Variants in TENM4 observed in about 807,000 individuals in gnomAD.
The protein encoded by TENM4 is teneurin-4.
A neutral mutation model predicts 243.3 loss-of-function variants in TENM4; 82 were observed. The ratio of observed to expected loss-of-function variants is 0.34; its 90% CI spans 0.28 to 0.40. The LOEUF is 0.40. Ranked by LOEUF, TENM4 falls within the 10% of genes least tolerant of loss-of-function variation. TENM4 has a pLI of 1.00. For synonymous variants in TENM4, 1,412 were observed against 1,456.3 expected (o/e 0.97, Z 0.69); for missense variants, 3,138 against 3,673.3 (o/e 0.85, Z 3.77).
chr11:79,437,733 G>A (rs886731689), intron 1 of TENM4, among the ~76,000 whole-genome samples: 2 of 152,280 alleles, frequency 1.3e-5, no homozygotes, highest in African/African-American at 4.8e-5. Flanking sequence ...ACAGGTTGCC[G>A]CGGAGTCCCG....
chr11:78,725,321 G>T (rs567781445), intron 23 of TENM4, among the ~76,000 whole-genome samples: 86 of 152,236 alleles, frequency 5.6e-4, no homozygotes, highest in African/African-American at 2.0e-3. Context: ...GTTTTGATGG[G>T]CACTCACTGC....
intron 3 of TENM4, among the ~76,000 whole-genome samples, chr11:79,172,730 T>C (rs1453133088): frequency 2.0e-5 from 3 of 151,128 alleles, no homozygotes; most frequent in African/African-American, 7.3e-5. Flanking sequence ...TGTGGTGTGA[T>C]CTTGGCTCAC....
At position 79,312,353 on chromosome 11, in the gene TENM4, T is replaced by C. The variant is rs1316090229; in HGVS notation, c.-320-14810A>G. ...TATTTGCCTGATTCATAAAAATAAT[T>C]GCAGGAAAAAACAGGTATATAATGC... On this transcript the variant is annotated intron_variant, in intron 1 of 33. Transcript: ENST00000278550. Among the ~76,000 whole-genome samples the C allele has an allele frequency of 2.6e-5, 4 of 152,344 alleles. No homozygotes were observed. In the East Asian group the frequency reaches 7.7e-4, roughly 29 times the overall value.
intron 1 of TENM4, among the ~76,000 whole-genome samples, chr11:79,424,763 T>A (rs938265980): frequency 6.6e-6 from 1 of 152,024 alleles, no homozygotes; most frequent in African/African-American, 2.4e-5. Flanking sequence ...TGAAATCCCA[T>A]CTCTACTAAA....
intron 1 of TENM4, among the ~76,000 whole-genome samples, chr11:79,356,768 A>C (rs11237800): frequency 0.049 from 7,457 of 152,214 alleles, 648 homozygotes; most frequent in African/African-American, 0.17. Flanking sequence ...TAAAAAAAAA[A>C]ATCTGCAGAA....
At chr11:79,042,945 A>G (rs1408009565) in intron 6 of TENM4, among the ~76,000 whole-genome samples, 1 of 148,010 alleles carries the variant, frequency 6.8e-6, no homozygotes. Context: ...ATAAGGTTCC[A>G]ACACCTACAT....
At chr11:78,975,079 A>G (rs1467419190) in intron 6 of TENM4, among the ~76,000 whole-genome samples, 1 of 149,282 alleles carries the variant, frequency 6.7e-6, no homozygotes, top group Non-Finnish European at 1.5e-5. Flanking sequence ...AACTAAGTCT[A>G]CTCCTTGCCC....
chr11:79,017,275 G>A (rs956822793), intron 6 of TENM4, among the ~76,000 whole-genome samples: 1 of 152,184 alleles, frequency 6.6e-6, no homozygotes, highest in African/African-American at 2.4e-5. Context: ...GATAAAAGAG[G>A]CGGAGGCTGG....
At chr11:79,157,742 C>T (rs987016146) in intron 3 of TENM4, among the ~76,000 whole-genome samples, 1 of 152,226 alleles carries the variant, frequency 6.6e-6, no homozygotes, top group African/African-American at 2.4e-5. Context: ...CCTGAGGGTT[C>T]CATACCTCCT....
intron 2 of TENM4, among the ~76,000 whole-genome samples, chr11:79,262,151 C>T (rs575087466): frequency 6.6e-6 from 1 of 152,300 alleles, no homozygotes; most frequent in East Asian, 1.9e-4. Context: ...CACGATGGGT[C>T]CCAGCTCTGC....
At chr11:78,908,327 G>T (rs1359214705) in intron 6 of TENM4, among the ~76,000 whole-genome samples, 1 of 152,160 alleles carries the variant, frequency 6.6e-6, no homozygotes, top group African/African-American at 2.4e-5. Flanking sequence ...ATTGTTATGA[G>T]AATTAAAAGA....
intron 3 of TENM4, among the ~76,000 whole-genome samples, chr11:79,156,493 CT>C (rs1285669038): frequency 6.6e-6 from 1 of 152,202 alleles, no homozygotes; most frequent in Non-Finnish European, 1.5e-5. Context: ...GCCTCCAGCA[CT>C]TTCTACATGC....
At chr11:78,771,247 C>T in intron 17 of TENM4, 109 bp from the exon 18 acceptor site, 2 of 1,329,434 alleles carry the variant, frequency 1.5e-6, no homozygotes, top group South Asian at 2.8e-5. Context: ...TCCATCAGCA[C>T]ACGAATGCCC....
intron 3 of TENM4, among the ~76,000 whole-genome samples, chr11:79,158,600 G>A (rs491437): frequency 0.48 from 73,617 of 152,054 alleles, 19,151 homozygotes; most frequent in Non-Finnish European, 0.59. Context: ...GAATGGGGAA[G>A]GTGAGTAGAA....
chr11:78,771,832 G>A (rs1484910476), intron 17 of TENM4, among the ~76,000 whole-genome samples: 1 of 152,226 alleles, frequency 6.6e-6, no homozygotes, highest in Non-Finnish European at 1.5e-5. Flanking sequence ...CTGTCTGTGA[G>A]TGCAACGCAG....
intron 6 of TENM4, among the ~76,000 whole-genome samples, chr11:79,003,042 C>T (rs1858374168): frequency 1.3e-5 from 2 of 151,982 alleles, no homozygotes; most frequent in African/African-American, 4.8e-5. Flanking sequence ...GTAGAATTAA[C>T]CAAGCTGAGA....
chr11:79,297,211 G>A (rs553993511), intron 2 of TENM4, among the ~76,000 whole-genome samples: 1 of 152,318 alleles, frequency 6.6e-6, no homozygotes, highest in East Asian at 1.9e-4. Flanking sequence ...TATTCCCAGA[G>A]AAAGACCCAA....
chr11:78,902,316 TAAAC>T (rs1436967117), intron 7 of TENM4, among the ~76,000 whole-genome samples: 1 of 152,216 alleles, frequency 6.6e-6, no homozygotes, highest in Non-Finnish European at 1.5e-5. Context: ...TTTAAAATCA[TAAAC>T]AAACTTCATT....
intron 15 of TENM4, among the ~76,000 whole-genome samples, chr11:78,800,791 T>C (rs1473869076): frequency 6.6e-6 from 1 of 151,364 alleles, no homozygotes; most frequent in Non-Finnish European, 1.5e-5. Context: ...TCAGTCAATA[T>C]AACATAGTGT....
Sources: gnomAD v4.1 joint callset for allele counts (sites outside exome capture counted in the v4.1 genomes callset) on GRCh38, gnomAD v4.1.1 for gene constraint, MANE v1.5 for transcripts, NCBI Gene and HGNC (gene_info 2026-07-23, HGNC 2026-07-21) for gene names.